SNRK: variants seen among roughly 807,000 people sequenced by gnomAD.
SNRK encodes the protein SNF related kinase.
SNRK carries 3 observed loss-of-function variants against 48.2 expected under a neutral mutation model. That is an observed-to-expected ratio of 0.06 (90% CI 0.03 to 0.16). The LOEUF (loss-of-function observed/expected upper bound fraction) is 0.16, where lower values mean the gene tolerates loss of function less well. SNRK is among the 10% of genes least tolerant of loss of function. The probability of loss-of-function intolerance (pLI) is 1.00; values close to 1 mark genes in which losing one functional copy is unlikely to be tolerated. For missense variants in SNRK, 627 were observed against 976.0 expected (o/e 0.64, Z 4.76); for synonymous variants, 376 against 366.1 (o/e 1.03, Z -0.31).
intron 3 of SNRK, among the ~76,000 whole-genome samples, chr3:43,322,933 C>T (rs1210671746): frequency 3.4e-5 from 3 of 88,010 alleles, no homozygotes; most frequent in African/African-American, 1.7e-4. Flanking sequence ...GCCTGCGCGA[C>T]AGAGTAAGAC....
intron 3 of SNRK, among the ~76,000 whole-genome samples, chr3:43,305,614 C>CT (rs1182753959): frequency 6.6e-6 from 1 of 151,568 alleles, no homozygotes; most frequent in East Asian, 1.9e-4. Flanking sequence ...TCCCGAGTAG[C>CT]TGGGACTACC....
At chr3:43,337,108 C>T (rs2091195957) in intron 4 of SNRK, among the ~76,000 whole-genome samples, 1 of 151,346 alleles carries the variant, frequency 6.6e-6, no homozygotes, top group Non-Finnish European at 1.5e-5. Context: ...GAGTCTCGAT[C>T]TGTCGCCCAG....
At chr3:43,309,862 G>GT (rs2090966672) in intron 3 of SNRK, among the ~76,000 whole-genome samples, 1 of 151,818 alleles carries the variant, frequency 6.6e-6, no homozygotes, top group Non-Finnish European at 1.5e-5. Context: ...TTGTTTGTTT[G>GT]TTTTTTTAAT....
rs2090915935 is a variant in SNRK at position 43,303,882 on chromosome 3, G to T, written c.589+90G>T. 1 of 986,056 alleles carries T rather than the reference G, an allele frequency of 1.0e-6. No homozygotes were observed. The highest frequency in any genetic ancestry group is 1.6e-5 in the African/African-American group (1 of 61,500). The allele number at this position is 986,056 out of a possible 1,614,324, so 61.1% of individuals were successfully genotyped here. A position where few individuals can be genotyped will look rare whatever the true frequency, so the allele number is the denominator to read the frequency against. ...TGTTTATCTAAAAATGATTTCTAGA[G>T]AATTTCTGTTAAATTGGCCTTAACT... On this transcript the variant is annotated intron_variant, in intron 3 of 6. Transcript: ENST00000296088. The surrounding 1 kb of genome is among the most constrained non-coding windows in gnomAD (Gnocchi z 6.2).
intron 3 of SNRK, among the ~76,000 whole-genome samples, chr3:43,306,416 G>A (rs1406136505): frequency 6.6e-6 from 1 of 151,986 alleles, no homozygotes; most frequent in Non-Finnish European, 1.5e-5. Context: ...GTGTTTTATA[G>A]TATACTGGTC....
chr3:43,330,576 G>T (rs1193767539), intron 3 of SNRK, among the ~76,000 whole-genome samples: 2 of 152,080 alleles, frequency 1.3e-5, no homozygotes, highest in Non-Finnish European at 2.9e-5. Context: ...TTCGACTGGG[G>T]TTATAAATTC....
intron 6 of SNRK, among the ~76,000 whole-genome samples, 155 bp downstream of exon 6, chr3:43,343,633 G>A (rs1248794332): frequency 6.6e-6 from 1 of 151,728 alleles, no homozygotes; most frequent in East Asian, 1.9e-4. Context: ...CTCTTCAGGT[G>A]TACATGAGGG....
Position 43,348,570 on chromosome 3 carries a change from C to A in SNRK, c.*13C>A. 7 of 1,520,348 alleles carry A rather than the reference C, an allele frequency of 4.6e-6. No individual in the cohort carries two copies. Among genetic ancestry groups the A allele is most frequent in the Non-Finnish European group, 6.1e-6 (7 of 1,138,290 alleles). 94.2% of individuals were successfully genotyped at this position (1,520,348 alleles called of 1,614,324 possible). On this transcript the variant is annotated 3_prime_UTR_variant, in exon 7 of 7. Transcript: ENST00000296088. ...CCATGTCATCTGACTGTGGCCCCAT[C>A]TGGCCGCTAGCACGCTTCCTGCTCA...
At chr3:43,333,650 G>T (rs183745543) in intron 4 of SNRK, among the ~76,000 whole-genome samples, 1 of 152,098 alleles carries the variant, frequency 6.6e-6, no homozygotes, top group African/African-American at 2.4e-5. Context: ...GGATGTTTGT[G>T]ATGCATGTTG....
rs2090909666 is a variant in SNRK, at chr3:43,303,004, C to G, written c.-106-94C>G. 4.4e-6 allele frequency: 2 copies of G among 450,820 alleles called. No homozygotes were observed. Among genetic ancestry groups the G allele is most frequent in the Admixed American group, 7.7e-5 (2 of 25,862 alleles). The allele number at this position is 450,820 out of a possible 1,614,324, so 27.9% of individuals were successfully genotyped here. On this transcript the variant is annotated intron_variant, in intron 2 of 6. Transcript: ENST00000296088. This position sits in a 1 kb window ranked among gnomAD's most constrained non-coding sequence, Gnocchi z 6.2. ...ATCTCAATTTATTTTCTTCAAGTTT[C>G]TCTTAAAATGAAAAAAACAAAAAAT...
chr3:43,344,342 A>G (rs569752560), intron 6 of SNRK, among the ~76,000 whole-genome samples: 2 of 152,322 alleles, frequency 1.3e-5, no homozygotes, highest in South Asian at 4.1e-4. Flanking sequence ...GCACTCAGAT[A>G]AAGTAACCCA....
intron 1 of SNRK, among the ~76,000 whole-genome samples, chr3:43,287,025 C>T (rs2090770753): frequency 6.7e-6 from 1 of 149,868 alleles, no homozygotes; most frequent in Non-Finnish European, 1.5e-5. Context: ...CATCCCCGCG[C>T]CCCGCCCCGG....
intron 2 of SNRK, among the ~76,000 whole-genome samples, chr3:43,300,801 A>G (rs1042268482): frequency 6.6e-6 from 1 of 152,248 alleles, no homozygotes. Flanking sequence ...ACACACACCT[A>G]GGCATTGTAT....
At chr3:43,341,675 G>T (rs144404821) in intron 5 of SNRK, among the ~76,000 whole-genome samples, 1 of 152,210 alleles carries the variant, frequency 6.6e-6, no homozygotes, top group African/African-American at 2.4e-5. Context: ...GCTCCCATCA[G>T]GAGGGCCCTT....
chr3:43,344,199 C>G (rs1212520558), intron 6 of SNRK, among the ~76,000 whole-genome samples: 1 of 151,498 alleles, frequency 6.6e-6, no homozygotes, highest in Non-Finnish European at 1.5e-5. Context: ...TTTTCTAACC[C>G]CCTCTCTCCT....
At position 43,303,274 on chromosome 3, in the gene SNRK, G is replaced by A. The variant is rs139338365; in HGVS notation, c.71G>A (p.Arg24Gln). The change falls in exon 3 of 7, where the codon CGA becomes CAA. Residue 24 changes from arginine to glutamine, a missense_variant. Coordinates refer to ENST00000296088, the MANE Select transcript of SNRK (RefSeq NM_017719.5). This position sits in a 1 kb window ranked among gnomAD's most constrained non-coding sequence, Gnocchi z 6.2. ...TATGATCTGGATAAAACCTTGGGTC[G>A]AGGCCATTTTGCCGTGGTTAAACTT... is the stretch of plus-strand genomic sequence containing the variant. ...GLYDLDKTLG[R>Q]GHFAVVKLAR... The A allele has an allele frequency of 2.5e-6, 4 of 1,614,140 alleles. No homozygotes were observed. The highest frequency in any genetic ancestry group is 1.7e-5 in the Admixed American group (1 of 60,016).
intron 2 of SNRK, among the ~76,000 whole-genome samples, chr3:43,301,120 CTATT>C (rs1000182693): frequency 6.6e-6 from 1 of 152,170 alleles, no homozygotes; most frequent in Non-Finnish European, 1.5e-5. Flanking sequence ...AATGGTAGTG[CTATT>C]TATTATTACA....
At chr3:43,319,825 C>T (rs1449262491) in intron 3 of SNRK, among the ~76,000 whole-genome samples, 1 of 152,176 alleles carries the variant, frequency 6.6e-6, no homozygotes, top group African/African-American at 2.4e-5. Context: ...CTTTTCCTTG[C>T]CTTGTATCTG....
chr3:43,342,743 A>G (rs2091246586), intron 5 of SNRK, among the ~76,000 whole-genome samples: 1 of 152,218 alleles, frequency 6.6e-6, no homozygotes, highest in Non-Finnish European at 1.5e-5. Context: ...GTGTCTAGCC[A>G]GACTAGGTAC....
Sources: gnomAD v4.1 joint callset for allele counts (sites outside exome capture counted in the v4.1 genomes callset) on GRCh38, gnomAD v4.1.1 for gene constraint, Gnocchi (gnomAD v3.1) non-coding constraint, MANE v1.5 for transcripts, NCBI Gene and HGNC (gene_info 2026-07-23, HGNC 2026-07-21) for gene names.